The following ACTG1 variants were observed in gnomAD, a reference collection of about 807,000 sequenced individuals.
The protein encoded by ACTG1 is actin gamma 1, also known as actin, cytoplasmic 2.
A neutral mutation model predicts 34.3 loss-of-function variants in ACTG1; 14 were observed. The ratio of observed to expected loss-of-function variants is 0.41; its 90% CI spans 0.27 to 0.64. The LOEUF is 0.64. Among genes scored for constraint, ACTG1 ranks in the 30% least tolerant of loss-of-function variants. ACTG1 has a pLI of 0.33. For synonymous variants in ACTG1, 422 were observed against 213.9 expected (o/e 1.97, Z -8.49); for missense variants, 233 against 529.5 (o/e 0.44, Z 5.50).
chr17:81,511,134 G>C, intron 4 of ACTG1, 26 bp from the exon 5 acceptor site: 2 of 1,613,838 alleles, frequency 1.2e-6, no homozygotes, highest in Non-Finnish European at 1.7e-6. Flanking sequence ...CTCCCTTAGT[G>C]ATGCTGTGTC....
chr17:81,511,714 T>C, intron 3 of ACTG1, 88 bp from the exon 4 acceptor site: 3 of 1,520,620 alleles, frequency 2.0e-6, no homozygotes, highest in South Asian at 1.2e-5. Flanking sequence ...CATGCCAGTG[T>C]GATGTGTGGA....
chr17:81,510,320 C>A lies in ACTG1; in HGVS notation c.*370G>T. On this transcript the variant is annotated 3_prime_UTR_variant, in exon 6 of 6. Coordinates refer to ENST00000573283, the MANE Select transcript of ACTG1 (RefSeq NM_001614.5). ...AATCCCAGAACACTCAGCCCTGACACGTTAATACCCTGCACAGATCAGAGG... is the reference window on the plus strand; with the variant it reads ...AATCCCAGAACACTCAGCCCTGACAAGTTAATACCCTGCACAGATCAGAGG... The A allele has an allele frequency of 4.5e-6, 2 of 447,836 alleles. No homozygotes were observed. Among genetic ancestry groups the A allele is most frequent in the South Asian group, 1.7e-5 (1 of 58,700 alleles). 27.7% of individuals were successfully genotyped at this position (447,836 alleles called of 1,614,324 possible).
In ACTG1 at chr17:81,511,899, T is replaced by TCA; in HGVS notation, c.363+2_363+3dup. 1.9e-6 allele frequency: 3 copies of TCA among 1,614,088 alleles called. No homozygotes were observed. Among genetic ancestry groups the TCA allele is most frequent in the South Asian group, 2.2e-5 (2 of 91,090 alleles). On this transcript the variant is annotated splice_donor_region_variant and intron_variant, in intron 3 of 5. Coordinates refer to ENST00000573283, the MANE Select transcript of ACTG1 (RefSeq NM_001614.5). ...GAGGAGCACGGGCGTCGGCCGAGCC[T>TCA]CACCTGAGTCATCTTCTCTCTGTTG...
At position 81,512,174 on chromosome 17, in the gene ACTG1, G is replaced by A. The variant is rs571472114; in HGVS notation, c.124-32C>T. 50 of 1,613,086 alleles carry A rather than the reference G, an allele frequency of 3.1e-5. 1 individual carries two copies. The South Asian group carries it at 5.1e-4, about 16-fold the overall frequency. The stretch of plus-strand genomic sequence containing the variant: ...GGGACGACCCGTCAGCCTCGCCGGC[G>A]ACACCGAACCCACCCCGCAACGCAG... On this transcript the variant is annotated intron_variant, in intron 2 of 5. Coordinates refer to ENST00000573283, the MANE Select transcript of ACTG1 (RefSeq NM_001614.5).
rs11549223 is a variant in ACTG1, at chr17:81,510,690, T to C, written c.1128A>G (p.Ter376=). ...GPSIVHRKCF[*] ...AATGCTACGCATCTGCTGAGTCCGT[T>C]TAGAAGCATTTGCGGTGGACGATGG... Residue 376 remains the stop codon, a stop_retained_variant, in exon 6 of 6, where the codon TAA becomes TAG. Coordinates refer to ENST00000573283, the MANE Select transcript of ACTG1 (RefSeq NM_001614.5). 30,274 of 1,613,942 alleles carry C rather than the reference T, an allele frequency of 0.019. 640 individuals are homozygous for C. Among genetic ancestry groups the C allele is most frequent in the African/African-American group, 0.1 (7,494 of 75,030 alleles).
rs1568062322 is a variant in ACTG1, at chr17:81,511,896, GCC to G, written c.363+5_363+6del. On this transcript the variant is annotated splice_donor_5th_base_variant and intron_variant, in intron 3 of 5. Coordinates refer to ENST00000573283, the MANE Select transcript of ACTG1 (RefSeq NM_001614.5). ...CGGGAGGAGCACGGGCGTCGGCCGA[GCC>G]TCACCTGAGTCATCTTCTCTCTGTT... The G allele has an allele frequency of 1.9e-6, 3 of 1,614,116 alleles. No homozygotes were observed. The highest frequency in any genetic ancestry group is 2.5e-6 in the Non-Finnish European group (3 of 1,179,988).
chr17:81,512,213 C>CG lies in ACTG1; in HGVS notation c.123+18dup. 1 of 1,613,446 alleles carries CG rather than the reference C, an allele frequency of 6.2e-7. No individual in the cohort carries two copies. The highest frequency in any genetic ancestry group is 8.5e-7 in the Non-Finnish European group (1 of 1,179,946). On this transcript the variant is annotated intron_variant, in intron 2 of 5. Transcript: ENST00000573283. ...CCCGCAACGCAGAACCCAGGAGCCCCGCGGCGCCATCCACTCACCTGGTGT... is the reference window on the plus strand; with the variant it reads ...CCCGCAACGCAGAACCCAGGAGCCCCGGCGGCGCCATCCACTCACCTGGTGT...
rs372830826 is a variant in ACTG1, at chr17:81,510,642, A to T, written c.*48T>A. On this transcript the variant is annotated 3_prime_UTR_variant, in exon 6 of 6. Transcript: ENST00000573283. The stretch of plus-strand genomic sequence containing the variant: ...GTGCATTTGCCAGGGGCAAATTTCT[A>T]TTCTCAATTAACCCATGCAGCAAAT... The T allele has an allele frequency of 1.9e-5, 31 of 1,612,224 alleles. No individual in the cohort carries two copies. The African/African-American group carries it at 4.1e-4, about 22-fold the overall frequency.
rs551044855 is a variant in ACTG1, at chr17:81,511,644, G to T, written c.364-18C>A. ...AACATAATCTGAGAAGGGACAAGGG[G>T]CGGCTTAGTCAGGGACAGAGACCCA... On this transcript the variant is annotated intron_variant, in intron 3 of 5. Coordinates refer to ENST00000573283, the MANE Select transcript of ACTG1 (RefSeq NM_001614.5). 3 of 1,610,758 alleles carry T rather than the reference G, an allele frequency of 1.9e-6. No homozygotes were observed. Among genetic ancestry groups the T allele is most frequent in the Non-Finnish European group, 2.5e-6 (3 of 1,178,552 alleles).
Position 81,511,002 on chromosome 17 carries a change from G to T in ACTG1, c.909C>A (p.Thr303=), listed in dbSNP as rs187127467. The stretch of plus-strand genomic sequence containing the variant: ...TGTCGGCAATGCCCGGGTACATGGT[G>T]GTGCCGCCCGACAGCACCGTGTTGG... The part of the protein sequence containing the change: ...LYANTVLSGG[T]TMYPGIADRM... Residue 303 remains threonine, a synonymous_variant, in exon 5 of 6, where the codon ACC becomes ACA. Transcript: ENST00000573283. The T allele has an allele frequency of 6.2e-6, 10 of 1,613,942 alleles. No homozygotes were observed. The highest frequency in any genetic ancestry group is 2.7e-5 in the African/African-American group (2 of 74,912).
chr17:81,511,672 G>A lies in ACTG1; in HGVS notation c.364-46C>T, dbSNP rs1206980937. On this transcript the variant is annotated intron_variant, in intron 3 of 5. Coordinates refer to ENST00000573283, the MANE Select transcript of ACTG1 (RefSeq NM_001614.5). Reference sequence around the variant, plus strand: ...GCTTAGTCAGGGACAGAGACCCACGGCCACCCCATGCTCACACGCCACAAC... The same window carrying A: ...GCTTAGTCAGGGACAGAGACCCACGACCACCCCATGCTCACACGCCACAAC... 7.6e-6 allele frequency: 12 copies of A among 1,582,774 alleles called. No individual in the cohort carries two copies. The Admixed American group carries it at 8.5e-5, about 11-fold the overall frequency.
rs782039679 is a variant in ACTG1, at chr17:81,510,353, CCA to C, written c.*335_*336del. Reference sequence around the variant, plus strand: ...CCCTGCACAGATCAGAGGCTGCTGGCCACACAGACTCACCAAGCCACAGACTT... The same window carrying C: ...CCCTGCACAGATCAGAGGCTGCTGGCCACAGACTCACCAAGCCACAGACTT... On this transcript the variant is annotated 3_prime_UTR_variant, in exon 6 of 6. Coordinates refer to ENST00000573283, the MANE Select transcript of ACTG1 (RefSeq NM_001614.5). 1.1e-4 allele frequency: 48 copies of C among 450,642 alleles called. No homozygotes were observed. Among genetic ancestry groups the C allele is most frequent in the Non-Finnish European group, 1.5e-4 (36 of 238,460 alleles). The allele number at this position is 450,642 out of a possible 1,614,324, so 27.9% of individuals were successfully genotyped here.
Position 81,510,555 on chromosome 17 carries a change from AGC to A in ACTG1, c.*133_*134del, listed in dbSNP as rs782506414. On this transcript the variant is annotated 3_prime_UTR_variant, in exon 6 of 6. Coordinates refer to ENST00000573283, the MANE Select transcript of ACTG1 (RefSeq NM_001614.5). ...CAATCCAGTGCTGATATCAGATACAAGCTTCAAGGACAATTTCTTTTCGAAGG... is the reference window on the plus strand; with the variant it reads ...CAATCCAGTGCTGATATCAGATACAATTCAAGGACAATTTCTTTTCGAAGG... 96 of 1,156,196 alleles carry A rather than the reference AGC, an allele frequency of 8.3e-5. No homozygotes were observed. The highest frequency in any genetic ancestry group is 3.9e-4 in the Admixed American group (21 of 53,880). The allele number at this position is 1,156,196 out of a possible 1,614,324, so 71.6% of individuals were successfully genotyped here. A position where few individuals can be genotyped will look rare whatever the true frequency, so the allele number is the denominator to read the frequency against.
rs782275620 is a variant in ACTG1 at position 81,512,244 on chromosome 17, G to T, written c.111C>A (p.Arg37=). The T allele has an allele frequency of 3.7e-6, 6 of 1,613,664 alleles. No individual in the cohort carries two copies. The South Asian group carries it at 4.4e-5, about 12-fold the overall frequency. Residue 37 remains arginine (R), a synonymous_variant, in exon 2 of 6, where the codon CGC becomes CGA. Transcript: ENST00000573283. Reference sequence around the variant, plus strand: ...GCCATCCACTCACCTGGTGTCTGGGGCGCCCGACGATGGAAGGAAACACGG... The same window carrying T: ...GCCATCCACTCACCTGGTGTCTGGGTCGCCCGACGATGGAAGGAAACACGG... The part of the protein sequence containing the change: ...PRAVFPSIVG[R]PRHQGVMVGM...
Position 81,510,321 on chromosome 17 carries a change from G to C in ACTG1, c.*369C>G. ...ATCCCAGAACACTCAGCCCTGACAC[G>C]TTAATACCCTGCACAGATCAGAGGC... On this transcript the variant is annotated 3_prime_UTR_variant, in exon 6 of 6. Coordinates refer to ENST00000573283, the MANE Select transcript of ACTG1 (RefSeq NM_001614.5). 2.2e-6 allele frequency: 1 copy of C among 448,404 alleles called. No individual in the cohort carries two copies. Among genetic ancestry groups the C allele is most frequent in the Non-Finnish European group, 4.2e-6 (1 of 236,316 alleles). The allele number at this position is 448,404 out of a possible 1,614,324, so 27.8% of individuals were successfully genotyped here.
Position 81,510,490 on chromosome 17 carries a change from G to C in ACTG1, c.*200C>G, listed in dbSNP as rs782386808. The C allele has an allele frequency of 9.3e-6, 7 of 755,084 alleles. No homozygotes were observed. Among genetic ancestry groups the C allele is most frequent in the Non-Finnish European group, 1.6e-5 (7 of 432,922 alleles). The allele number at this position is 755,084 out of a possible 1,614,324, so 46.8% of individuals were successfully genotyped here. On this transcript the variant is annotated 3_prime_UTR_variant, in exon 6 of 6. Coordinates refer to ENST00000573283, the MANE Select transcript of ACTG1 (RefSeq NM_001614.5). ...TATTAAACAAATACCAAGGGGAACAGTTAACTTCAATACAAGGTCAAAATC... is the reference window on the plus strand; with the variant it reads ...TATTAAACAAATACCAAGGGGAACACTTAACTTCAATACAAGGTCAAAATC...
chr17:81,511,686 A>T, intron 3 of ACTG1, 60 bp from the exon 4 acceptor site: 1 of 1,557,532 alleles, frequency 6.4e-7, no homozygotes, highest in Non-Finnish European at 8.8e-7. Context: ...CCCCATGCTC[A>T]CACGCCACAA....
In ACTG1 at chr17:81,511,297, T is replaced by A. The variant is rs534061526; in HGVS notation, c.693A>T (p.Ala231=). The change falls in exon 4 of 6, where the codon GCA becomes GCT. Residue 231 remains alanine (A), a synonymous_variant. Coordinates refer to ENST00000573283, the MANE Select transcript of ACTG1 (RefSeq NM_001614.5). ...AGCTCTTCTCCAGAGAAGAGGAGGA[T>A]GCGGCGGTGGCCATCTCCTGCTCGA... ...LDFEQEMATA[A]SSSSLEKSYE... is the part of the protein sequence containing the mutation. 4 of 1,613,620 alleles carry A rather than the reference T, an allele frequency of 2.5e-6. No homozygotes were observed. The highest frequency in any genetic ancestry group is 1.7e-5 in the Admixed American group (1 of 59,994).
At chr17:81,511,800 G>C (rs781901272) in intron 3 of ACTG1, 103 bp downstream of exon 3, 10 of 1,590,152 alleles carry the variant, frequency 6.3e-6, no homozygotes, top group Middle Eastern at 1.7e-4. Context: ...GAGAGGAACA[G>C]AGCCTGGAAC....
Sources: gnomAD v4.1 joint callset for allele counts on GRCh38, gnomAD v4.1.1 for gene constraint, MANE v1.5 for transcripts, NCBI Gene and HGNC (gene_info 2026-07-23, HGNC 2026-07-21) for gene names.